Variants in ZGPAT observed in about 807,000 individuals in gnomAD.
The protein encoded by ZGPAT is zinc finger CCCH-type and G-patch domain containing.
A neutral mutation model predicts 47.9 loss-of-function variants in ZGPAT; 39 were observed. The observed-to-expected ratio is 0.81, with a 90% CI of 0.63 to 1.06. ZGPAT has a LOEUF of 1.06. Ranked by LOEUF, ZGPAT falls within the 50% of genes least tolerant of loss-of-function variation. ZGPAT has a pLI of 0.00. For missense variants in ZGPAT, 717 were observed against 681.4 expected (o/e 1.05, Z -0.58); for synonymous variants, 348 against 292.9 (o/e 1.19, Z -1.92).
At chr20:63,726,789 A>G (rs925865473) in intron 2 of ZGPAT, among the ~76,000 whole-genome samples, 2 of 152,130 alleles carry the variant, frequency 1.3e-5, no homozygotes, top group Non-Finnish European at 2.9e-5. Context: ...GGCCTCCCAA[A>G]GTCCAGGGAT....
intron 2 of ZGPAT, among the ~76,000 whole-genome samples, chr20:63,720,246 C>T (rs1311547425): frequency 6.6e-6 from 1 of 151,880 alleles, no homozygotes; most frequent in Non-Finnish European, 1.5e-5. Context: ...ACCTCTGCCT[C>T]CTGGGTTCAA....
At chr20:63,714,425 T>TAAAAAAAAA in intron 2 of ZGPAT, among the ~76,000 whole-genome samples, 1 of 29,016 alleles carries the variant, frequency 3.4e-5, no homozygotes, top group African/African-American at 2.5e-4. Context: ...GAACCCTGTC[T>TAAAAAAAAA]TTAAAAAAAA....
chr20:63,713,860 A>C (rs973880830), intron 2 of ZGPAT, among the ~76,000 whole-genome samples: 1 of 149,008 alleles, frequency 6.7e-6, no homozygotes, highest in African/African-American at 2.5e-5. Flanking sequence ...AACAAGAGTG[A>C]GACTTCATCT....
At chr20:63,711,536 C>A (rs2091667907) in intron 2 of ZGPAT, among the ~76,000 whole-genome samples, 1 of 152,122 alleles carries the variant, frequency 6.6e-6, no homozygotes, top group Non-Finnish European at 1.5e-5. Context: ...GCTTCCGGAG[C>A]ATCTTACAGA....
chr20:63,716,757 T>C (rs1445518039), intron 2 of ZGPAT, among the ~76,000 whole-genome samples: 2 of 152,102 alleles, frequency 1.3e-5, no homozygotes, highest in African/African-American at 2.4e-5. Flanking sequence ...ATCTCACTCA[T>C]TGCAACCTCC....
rs567090592 is a variant in ZGPAT at position 63,713,319 on chromosome 20, C to G, written c.584+4155C>G. Among the ~76,000 whole-genome samples the G allele has an allele frequency of 1.5e-4, 23 of 152,042 alleles. 1 individual carries two copies. The East Asian group carries it at 4.6e-3, about 30-fold the overall frequency. On this transcript the variant is annotated intron_variant, in intron 2 of 6. Transcript: ENST00000355969. ...AATCTTGGCTCACTGCAAGCTCCAC[C>G]TCCCGGGTTCACACCATTCTTCTGC...
chr20:63,726,794 A>C lies in ZGPAT; in HGVS notation c.585-6425A>C, dbSNP rs1178951926. ...TGCCCACCTCGGCCTCCCAAAGTCC[A>C]GGGATTACAGGCATGAGCCACTGCT... On this transcript the variant is annotated intron_variant, in intron 2 of 6. Coordinates refer to ENST00000355969, the MANE Select transcript of ZGPAT (RefSeq NM_181485.3). Among the ~76,000 whole-genome samples the C allele has an allele frequency of 2.0e-5, 3 of 151,788 alleles. No homozygotes were observed. The South Asian group carries it at 6.3e-4, about 32-fold the overall frequency.
chr20:63,733,192 C>A, intron 2 of ZGPAT, 27 bp from the exon 3 acceptor site: 1 of 1,607,930 alleles, frequency 6.2e-7, no homozygotes. Flanking sequence ...CATGTCTGAG[C>A]CCTGCCCCTT....
At chr20:63,707,789 C>G (rs1230986859), upstream of ZGPAT, 1 of 152,300 alleles carries the variant, frequency 6.6e-6, no homozygotes, top group Non-Finnish European at 1.5e-5. Context: ...AAAGCTGGCT[C>G]CTGTCACACC....
Position 63,708,669 on chromosome 20 carries a change from C to T in ZGPAT, c.89C>T (p.Ser30Leu), listed in dbSNP as rs529460229. ...VELALGAGLD[S>L]SEQADLRQLQ... is the part of the protein sequence containing the mutation. ...CTGGCCTTGGGCGCCGGCCTGGATT[C>T]GTCTGAGCAGGCTGACCTGCGCCAG... Residue 30 changes from serine (S) to leucine (L), a missense_variant, in exon 2 of 7, where the codon TCG becomes TTG. Physicochemically the swap from Ser to Leu is moderately radical, Grantham distance 145. Transcript: ENST00000355969. 8 of 1,612,724 alleles carry T rather than the reference C, an allele frequency of 5.0e-6. No homozygotes were observed. The Admixed American group carries it at 6.7e-5, about 13-fold the overall frequency.
At chr20:63,721,355 TAAA>T (rs201321716) in intron 2 of ZGPAT, among the ~76,000 whole-genome samples, 9 of 112,234 alleles carry the variant, frequency 8.0e-5, no homozygotes, top group Non-Finnish European at 1.4e-4. Context: ...CTGTCTCAAA[TAAA>T]AAAAAAAAAA....
chr20:63,728,413 G>A (rs1390598595), intron 2 of ZGPAT, among the ~76,000 whole-genome samples: 2 of 152,120 alleles, frequency 1.3e-5, no homozygotes, highest in Non-Finnish European at 2.9e-5. Flanking sequence ...CAGGGATTTG[G>A]GCAAGAGGGT....
chr20:63,710,641 C>T (rs1448118248), intron 2 of ZGPAT, among the ~76,000 whole-genome samples: 4 of 152,122 alleles, frequency 2.6e-5, no homozygotes, highest in Admixed American at 2.6e-4. Flanking sequence ...CTTTCCTGGG[C>T]CATTTTAAAG....
In ZGPAT at chr20:63,732,989, T is replaced by C. The variant is rs546500808; in HGVS notation, c.585-230T>C. On this transcript the variant is annotated intron_variant, in intron 2 of 6. Transcript: ENST00000355969. ...GTGTATGTGTGCATGTGTATCTGTA[T>C]GTGCGTGTGTATATGTGCATGTGTG... is the stretch of plus-strand genomic sequence containing the variant. Among the ~76,000 whole-genome samples the C allele has an allele frequency of 6.9e-4, 104 of 151,546 alleles. 1 individual carries two copies. Among genetic ancestry groups the C allele is most frequent in the African/African-American group, 2.4e-3 (97 of 41,002 alleles).
intron 2 of ZGPAT, among the ~76,000 whole-genome samples, chr20:63,725,740 T>C (rs2091838343): frequency 6.6e-6 from 1 of 151,352 alleles, no homozygotes; most frequent in Admixed American, 6.6e-5. Context: ...CCACTGCATG[T>C]ATGTTGGTGT....
At chr20:63,717,555 A>T (rs6062504) in intron 2 of ZGPAT, among the ~76,000 whole-genome samples, 1 of 150,170 alleles carries the variant, frequency 6.7e-6, no homozygotes, top group Non-Finnish European at 1.5e-5. Flanking sequence ...CTTTCACTGC[A>T]TTCCATAAGA....
intron 6 of ZGPAT, 43 bp from the exon 7 acceptor site, chr20:63,735,738 G>A (rs756146216): frequency 1.3e-6 from 2 of 1,560,344 alleles, no homozygotes; most frequent in Admixed American, 1.9e-5. Context: ...GGGGTTGGTG[G>A]CATGGCCCAG....
chr20:63,732,788 ATG>A lies in ZGPAT; in HGVS notation c.585-428_585-427del, dbSNP rs199758273. Among the ~76,000 whole-genome samples the A allele has an allele frequency of 8.6e-3, 1,288 of 149,080 alleles. 11 individuals are homozygous for A. Among genetic ancestry groups the A allele is most frequent in the Non-Finnish European group, 0.011 (710 of 67,194 alleles). The stretch of plus-strand genomic sequence containing the variant: ...CGTATGTATATGCGTGTGTGTATGC[ATG>A]TGAGTGCATGTTTATGCGTGTGTAT... On this transcript the variant is annotated intron_variant, in intron 2 of 6. Coordinates refer to ENST00000355969, the MANE Select transcript of ZGPAT (RefSeq NM_181485.3).
chr20:63,735,018 C>A, intron 5 of ZGPAT, 141 bp from the exon 6 acceptor site: 1 of 1,339,550 alleles, frequency 7.5e-7, no homozygotes, highest in Non-Finnish European at 9.8e-7. Flanking sequence ...CCTCAGATTC[C>A]CAGGGTCCTA....
Sources: allele counts gnomAD v4.1 joint callset (sites outside exome capture counted in the v4.1 genomes callset), GRCh38; gene constraint gnomAD v4.1.1; transcripts MANE v1.5; gene names NCBI Gene and HGNC (gene_info 2026-07-23, HGNC 2026-07-21).